Variants in NUBPL observed in about 807,000 individuals in gnomAD.
NUBPL encodes iron-sulfur cluster transfer protein NUBPL.
In NUBPL, 31 loss-of-function variants were observed where a neutral mutation model predicts 45.7. The observed-to-expected ratio is 0.68, with a 90% CI of 0.51 to 0.92. The LOEUF is 0.92. NUBPL is among the 40% of genes least tolerant of loss of function. The pLI, the probability that NUBPL is intolerant of heterozygous loss-of-function variation, is 0.00. For synonymous variants in NUBPL, 144 were observed against 140.9 expected, an observed-to-expected ratio of 1.02 and a Z score of -0.15; for missense variants, 401 against 398.7, an observed-to-expected ratio of 1.01 and a Z score of -0.05.
At chr14:31,600,196 A>G (rs2139560275) in intron 4 of NUBPL, among the ~76,000 whole-genome samples, 1 of 152,232 alleles carries the variant, frequency 6.6e-6, no homozygotes, top group East Asian at 1.9e-4. Flanking sequence ...TGCTGGGATT[A>G]CAGGTGTGAG....
chr14:31,561,862 G>T (rs2033291145), intron 1 of NUBPL: 1 of 616,920 alleles, frequency 1.6e-6, no homozygotes, highest in Non-Finnish European at 2.8e-6. Flanking sequence ...AACGTTCAGC[G>T]TATCCTGCTA....
chr14:31,752,794 T>C (rs1453214470), intron 6 of NUBPL, among the ~76,000 whole-genome samples: 1 of 152,214 alleles, frequency 6.6e-6, no homozygotes, highest in Admixed American at 6.5e-5. Flanking sequence ...AAGAACTACC[T>C]AAGACTGGAT....
At chr14:31,607,775 T>C (rs75740342) in intron 4 of NUBPL, among the ~76,000 whole-genome samples, 2,447 of 152,196 alleles carry the variant, frequency 0.016, 78 homozygotes, top group African/African-American at 0.055. Context: ...CTAAGGGTTA[T>C]TGGCCTTAAA....
At chr14:31,841,921 T>TGTTTTTTTTTTTTG (rs773326267) in intron 8 of NUBPL, among the ~76,000 whole-genome samples, 3 of 98,816 alleles carry the variant, frequency 3.0e-5, no homozygotes, top group African/African-American at 1.2e-4. Context: ...TCTGGGCTTT[T>TGTTTTTTTTTTTTG]TTTTTTTTTT....
At chr14:31,578,356 G>A (rs777139864) in intron 3 of NUBPL, among the ~76,000 whole-genome samples, 2 of 152,080 alleles carry the variant, frequency 1.3e-5, no homozygotes, top group African/African-American at 2.4e-5. Context: ...TTTTGTTTTC[G>A]GTTGTGGCAT....
At chr14:31,634,704 A>G (rs2139673296) in intron 4 of NUBPL, among the ~76,000 whole-genome samples, 1 of 152,206 alleles carries the variant, frequency 6.6e-6, no homozygotes, top group Non-Finnish European at 1.5e-5. Context: ...CAGTCCCACC[A>G]ACAATGTAAA....
chr14:31,800,791 A>C (rs867921113), intron 7 of NUBPL: 33 of 152,344 alleles, frequency 2.2e-4, no homozygotes, highest in African/African-American at 6.3e-4. Flanking sequence ...TAAAGACTTC[A>C]TGCTTCATAT....
intron 6 of NUBPL, among the ~76,000 whole-genome samples, chr14:31,751,934 C>T (rs1168322592): frequency 6.6e-6 from 1 of 152,198 alleles, no homozygotes. Context: ...GCCACCAAGG[C>T]TTGGGGCTTG....
intron 6 of NUBPL, among the ~76,000 whole-genome samples, chr14:31,786,352 G>A (rs915633644): frequency 3.3e-5 from 5 of 152,038 alleles, no homozygotes; most frequent in Non-Finnish European, 5.9e-5. Context: ...TCCTGTTACC[G>A]TTTTATAGGA....
At chr14:31,619,479 G>C (rs2035000802) in intron 4 of NUBPL, among the ~76,000 whole-genome samples, 1 of 152,016 alleles carries the variant, frequency 6.6e-6, no homozygotes, top group Non-Finnish European at 1.5e-5. Flanking sequence ...AGGCAGGCCT[G>C]GTGGTGACAA....
At chr14:31,784,353 T>C (rs568608063) in intron 6 of NUBPL, among the ~76,000 whole-genome samples, 1 of 152,302 alleles carries the variant, frequency 6.6e-6, no homozygotes, top group South Asian at 2.1e-4. Flanking sequence ...GTGATAGTCA[T>C]GAAGTCATGA....
At chr14:31,665,454 T>G (rs2139783553) in intron 4 of NUBPL, among the ~76,000 whole-genome samples, 1 of 152,318 alleles carries the variant, frequency 6.6e-6, no homozygotes, top group South Asian at 2.1e-4. Flanking sequence ...AAGAACTGAT[T>G]TATTTCTGTC....
chr14:31,818,651 C>G (rs991156716), intron 7 of NUBPL, among the ~76,000 whole-genome samples: 1 of 152,206 alleles, frequency 6.6e-6, no homozygotes, highest in African/African-American at 2.4e-5. Context: ...TGGGTTCACG[C>G]CATTCTCCTG....
intron 4 of NUBPL, among the ~76,000 whole-genome samples, chr14:31,617,042 A>G (rs1364455271): frequency 6.6e-6 from 1 of 152,084 alleles, no homozygotes; most frequent in Non-Finnish European, 1.5e-5. Flanking sequence ...GCAATTGTGA[A>G]TGGGAGCTCA....
At chr14:31,598,123 T>C (rs1427922224) in intron 3 of NUBPL, among the ~76,000 whole-genome samples, 2 of 152,186 alleles carry the variant, frequency 1.3e-5, no homozygotes, top group African/African-American at 4.8e-5. Context: ...GAGGCAGATA[T>C]TAATCCCGTT....
At chr14:31,712,488 C>T (rs2037597675) in intron 6 of NUBPL, among the ~76,000 whole-genome samples, 1 of 152,234 alleles carries the variant, frequency 6.6e-6, no homozygotes, top group Non-Finnish European at 1.5e-5. Flanking sequence ...GTGAGGCACG[C>T]AGCCCTGGCT....
In NUBPL at chr14:31,587,012, C is replaced by T. The variant is rs112483117; in HGVS notation, c.292-12277C>T. On this transcript the variant is annotated intron_variant, in intron 3 of 10. Coordinates refer to ENST00000281081, the MANE Select transcript of NUBPL (RefSeq NM_025152.3). ...CTCACTTTCTAATCATGAAACCTAA[C>T]GGAAAACAGAGGAGGCAGCTGGAAG... Among the ~76,000 whole-genome samples, 14 of 152,222 alleles carry T rather than the reference C, an allele frequency of 9.2e-5. No homozygotes were observed. In the South Asian group the frequency reaches 1.9e-3, roughly 20 times the overall value.
intron 6 of NUBPL, among the ~76,000 whole-genome samples, chr14:31,774,951 GA>G (rs1454341825): frequency 2.3e-4 from 35 of 152,182 alleles, no homozygotes; most frequent in African/African-American, 7.5e-4. Flanking sequence ...CAACTTATTA[GA>G]ATACAAAAGA....
intron 7 of NUBPL, among the ~76,000 whole-genome samples, chr14:31,806,742 G>T (rs896611626): frequency 2.6e-5 from 4 of 151,896 alleles, no homozygotes; most frequent in African/African-American, 9.7e-5. Context: ...ATTTACATTA[G>T]GTATTTCTAC....
Sources: gnomAD v4.1 joint callset for allele counts (sites outside exome capture counted in the v4.1 genomes callset) on GRCh38, gnomAD v4.1.1 for gene constraint, MANE v1.5 for transcripts, NCBI Gene and HGNC (gene_info 2026-07-23, HGNC 2026-07-21) for gene names.